NFATC3: variants seen among roughly 807,000 people sequenced by gnomAD.
NFATC3 encodes nuclear factor of activated T cells 3.
NFATC3 carries 46 observed loss-of-function variants against 98.6 expected under a neutral mutation model. The ratio of observed to expected loss-of-function variants is 0.47; its 90% CI spans 0.37 to 0.60. NFATC3 has a LOEUF of 0.60. Among genes scored for constraint, NFATC3 ranks in the 20% least tolerant of loss-of-function variants. The pLI, the probability that NFATC3 is intolerant of heterozygous loss-of-function variation, is 0.00. For synonymous variants in NFATC3, 512 were observed against 472.2 expected (o/e 1.08, Z -1.09); for missense variants, 1,256 against 1,295.5 (o/e 0.97, Z 0.47).
intron 4 of NFATC3, among the ~76,000 whole-genome samples, chr16:68,158,455 C>T (rs1156910926): frequency 2.0e-5 from 3 of 152,128 alleles, no homozygotes; most frequent in African/African-American, 7.2e-5. Flanking sequence ...TGACCCATTT[C>T]CAAATAAGAT....
intron 1 of NFATC3, among the ~76,000 whole-genome samples, chr16:68,104,350 A>G (rs1291232433): frequency 6.6e-6 from 1 of 152,200 alleles, no homozygotes; most frequent in African/African-American, 2.4e-5. Context: ...ATATAGAAAC[A>G]ACAGAATTTT....
chr16:68,192,057 A>G (rs752991096), intron 9 of NFATC3: 1 of 275,896 alleles, frequency 3.6e-6, no homozygotes, highest in Non-Finnish European at 7.0e-6. Context: ...AAATACAAAA[A>G]ATTAGCCAGG....
intron 9 of NFATC3, among the ~76,000 whole-genome samples, chr16:68,214,158 T>C (rs1265745131): frequency 6.6e-6 from 1 of 152,210 alleles, no homozygotes; most frequent in Non-Finnish European, 1.5e-5. Flanking sequence ...TGAACTCCAG[T>C]ATTTATTTTA....
At chr16:68,211,635 G>A (rs2041401324) in intron 9 of NFATC3, among the ~76,000 whole-genome samples, 1 of 151,632 alleles carries the variant, frequency 6.6e-6, no homozygotes, top group Non-Finnish European at 1.5e-5. Flanking sequence ...CAATTCTCCT[G>A]CCTCAGCTTC....
chr16:68,092,865 G>A (rs1335236878), intron 1 of NFATC3, among the ~76,000 whole-genome samples: 1 of 152,176 alleles, frequency 6.6e-6, no homozygotes, highest in African/African-American at 2.4e-5. Flanking sequence ...TTAGTTGGCT[G>A]GTAAATTTTG....
intron 3 of NFATC3, among the ~76,000 whole-genome samples, chr16:68,129,352 C>T (rs1385526999): frequency 1.3e-5 from 2 of 152,114 alleles, no homozygotes; most frequent in African/African-American, 2.4e-5. Flanking sequence ...TTGTAAATGA[C>T]TTTTTGTTTT....
intron 3 of NFATC3, among the ~76,000 whole-genome samples, chr16:68,135,684 C>A (rs2037365561): frequency 6.6e-6 from 1 of 151,960 alleles, no homozygotes; most frequent in Non-Finnish European, 1.5e-5. Flanking sequence ...TTGGAAGAGA[C>A]TTTTGTAGGT....
chr16:68,109,005 A>G (rs1158592054), intron 1 of NFATC3, among the ~76,000 whole-genome samples: 1 of 152,202 alleles, frequency 6.6e-6, no homozygotes, highest in African/African-American at 2.4e-5. Context: ...ATAGAGGATC[A>G]TGCCATCTGC....
At chr16:68,151,065 A>G (rs1433047459) in intron 3 of NFATC3, among the ~76,000 whole-genome samples, 1 of 152,158 alleles carries the variant, frequency 6.6e-6, no homozygotes, top group Non-Finnish European at 1.5e-5. Context: ...ACAGTAGTTT[A>G]AAAGTATGGC....
intron 3 of NFATC3, among the ~76,000 whole-genome samples, chr16:68,136,224 G>C (rs933480044): frequency 1.3e-5 from 2 of 152,046 alleles, no homozygotes; most frequent in African/African-American, 4.8e-5. Flanking sequence ...TTTACTTTTT[G>C]TAGTGTTTTG....
intron 9 of NFATC3, among the ~76,000 whole-genome samples, chr16:68,213,599 G>A (rs773568258): frequency 6.6e-6 from 1 of 152,064 alleles, no homozygotes; most frequent in African/African-American, 2.4e-5. Flanking sequence ...AGGCCTAGGC[G>A]GGCGGATAAC....
chr16:68,110,258 G>C (rs1469587747), intron 1 of NFATC3, among the ~76,000 whole-genome samples: 1 of 151,332 alleles, frequency 6.6e-6, no homozygotes, highest in African/African-American at 2.4e-5. Context: ...GCCTGCCTTG[G>C]CCTCCCAAAG....
intron 9 of NFATC3, among the ~76,000 whole-genome samples, chr16:68,201,979 A>G (rs1312057957): frequency 1.3e-5 from 2 of 151,102 alleles, no homozygotes; most frequent in Non-Finnish European, 2.9e-5. Context: ...AAAAAAAAAA[A>G]AAAAAGATTA....
At chr16:68,217,841 C>A in intron 9 of NFATC3, 1 of 1,230,154 alleles carries the variant, frequency 8.1e-7, no homozygotes, top group South Asian at 4.1e-5. Flanking sequence ...GCTCACATTT[C>A]ATTGAAGAAA....
chr16:68,216,654 C>A (rs1343464576), intron 9 of NFATC3, among the ~76,000 whole-genome samples: 2 of 150,070 alleles, frequency 1.3e-5, no homozygotes, highest in Non-Finnish European at 3.0e-5. Flanking sequence ...TCCTCAGCCT[C>A]CCAAGTAGCT....
At chr16:68,167,807 G>GTTTTTTTTT (rs1263970399) in intron 5 of NFATC3, among the ~76,000 whole-genome samples, 4 of 23,586 alleles carry the variant, frequency 1.7e-4, no homozygotes, top group Non-Finnish European at 3.1e-4. Flanking sequence ...AACCGTATGT[G>GTTTTTTTTT]TTCTTTTTTT....
At chr16:68,181,057 C>T (rs2039929097) in intron 6 of NFATC3, among the ~76,000 whole-genome samples, 1 of 152,202 alleles carries the variant, frequency 6.6e-6, no homozygotes, top group Non-Finnish European at 1.5e-5. Flanking sequence ...ATTTCTAGTT[C>T]TAGATCTTTG....
chr16:68,181,447 T>G lies in NFATC3; in HGVS notation c.1916-28T>G, dbSNP rs200787269. The stretch of plus-strand genomic sequence containing the variant: ...TGTATGCTTTCTGATATGAATTGCT[T>G]TTAACTATAAACTCTTTCTTTCAAT... On this transcript the variant is annotated intron_variant, in intron 6 of 9. Transcript: ENST00000346183. 4.5e-5 allele frequency: 71 copies of G among 1,576,798 alleles called. No homozygotes were observed. In the Middle Eastern group the frequency reaches 5.0e-4, roughly 11 times the overall value.
intron 5 of NFATC3, among the ~76,000 whole-genome samples, chr16:68,167,807 G>GTTGTTTT (rs1263970399): frequency 4.2e-5 from 1 of 23,588 alleles, no homozygotes; most frequent in Non-Finnish European, 1.0e-4. Flanking sequence ...AACCGTATGT[G>GTTGTTTT]TTCTTTTTTT....
Sources: allele counts gnomAD v4.1 joint callset (sites outside exome capture counted in the v4.1 genomes callset), GRCh38; gene constraint gnomAD v4.1.1; transcripts MANE v1.5; gene names NCBI Gene and HGNC (gene_info 2026-07-23, HGNC 2026-07-21).